The following C3orf22 variants were observed in gnomAD, a reference collection of about 807,000 sequenced individuals.
The protein encoded by C3orf22 is chromosome 3 open reading frame 22, also known as uncharacterized protein C3orf22.
In C3orf22, 7 loss-of-function variants were observed where a neutral mutation model predicts 10.8. The ratio of observed to expected loss-of-function variants is 0.65; its 90% CI spans 0.37 to 1.22. The LOEUF (loss-of-function observed/expected upper bound fraction) is 1.22. Ranked by LOEUF, C3orf22 falls within the 50% of genes most tolerant of loss-of-function variation. The pLI, the probability that C3orf22 is intolerant of heterozygous loss-of-function variation, is 0.02. For missense variants in C3orf22, 173 were observed against 177.0 expected (o/e 0.98, Z 0.13); for synonymous variants, 79 against 78.9 (o/e 1.00, Z 0.00).
chr3:126,541,895 G>C (rs779741509), intron 4 of C3orf22: 2 of 1,600,916 alleles, frequency 1.2e-6, no homozygotes, highest in Non-Finnish European at 1.7e-6. Context: ...CGTGCCCAAG[G>C]TGGCCTGCAC....
At chr3:126,552,385 C>G (rs1340927939) in intron 2 of C3orf22, among the ~76,000 whole-genome samples, 1 of 152,202 alleles carries the variant, frequency 6.6e-6, no homozygotes, top group African/African-American at 2.4e-5. Flanking sequence ...CCACAGCAGC[C>G]AAACGGTGCA....
At chr3:126,558,393 G>A (rs1937403940) in intron 1 of C3orf22, among the ~76,000 whole-genome samples, 1 of 152,172 alleles carries the variant, frequency 6.6e-6, no homozygotes, top group Admixed American at 6.5e-5. Flanking sequence ...GGAGACAGGA[G>A]CGCCCCTCAG....
intron 4 of C3orf22, among the ~76,000 whole-genome samples, chr3:126,540,186 T>G (rs1936928594): frequency 6.6e-6 from 1 of 152,148 alleles, no homozygotes; most frequent in South Asian, 2.1e-4. Flanking sequence ...CGCTTTGGCC[T>G]CCTCTGAAAT....
At chr3:126,535,206 C>T (rs1387183503) in intron 4 of C3orf22, among the ~76,000 whole-genome samples, 6 of 151,146 alleles carry the variant, frequency 4.0e-5, no homozygotes, top group African/African-American at 9.7e-5. Flanking sequence ...CAGACAGCAT[C>T]GCTGTCCCCA....
At chr3:126,534,728 G>A (rs1488902064) in intron 4 of C3orf22, among the ~76,000 whole-genome samples, 1 of 148,776 alleles carries the variant, frequency 6.7e-6, no homozygotes, top group African/African-American at 2.5e-5. Context: ...CAGACAGACA[G>A]ACAGCATCCC....
intron 4 of C3orf22, among the ~76,000 whole-genome samples, chr3:126,538,403 C>T (rs1936845743): frequency 6.6e-6 from 1 of 152,246 alleles, no homozygotes; most frequent in Admixed American, 6.5e-5. Flanking sequence ...GGGAGTCTTT[C>T]CTGGGAGTCA....
chr3:126,551,249 C>G (rs571393841), intron 3 of C3orf22, among the ~76,000 whole-genome samples: 2 of 145,286 alleles, frequency 1.4e-5, no homozygotes, highest in African/African-American at 5.1e-5. Flanking sequence ...AACACAGACC[C>G]CCCCCTGCCC....
chr3:126,531,193 C>T (rs72982010), intron 4 of C3orf22, among the ~76,000 whole-genome samples: 18,115 of 152,292 alleles, frequency 0.12, 1,676 homozygotes, highest in African/African-American at 0.26. Flanking sequence ...AATGCAGATT[C>T]TTGGGCCCCA....
intron 4 of C3orf22, among the ~76,000 whole-genome samples, chr3:126,543,901 C>T (rs1454843271): frequency 6.6e-6 from 1 of 152,170 alleles, no homozygotes. Context: ...ACTGGTTTCC[C>T]CATGAGGCCT....
chr3:126,550,527 G>A (rs1418805306), intron 3 of C3orf22, among the ~76,000 whole-genome samples: 2 of 152,190 alleles, frequency 1.3e-5, no homozygotes, highest in African/African-American at 2.4e-5. Flanking sequence ...GCTACATGCA[G>A]GACCCAGCAT....
At chr3:126,556,892 AC>A (rs1190899708) in intron 1 of C3orf22, among the ~76,000 whole-genome samples, 1 of 150,080 alleles carries the variant, frequency 6.7e-6, no homozygotes, top group African/African-American at 2.5e-5. Context: ...AGACTCACAC[AC>A]ATGCTCAGAC....
chr3:126,556,864 AC>A (rs1420636909), intron 1 of C3orf22, among the ~76,000 whole-genome samples: 2 of 147,122 alleles, frequency 1.4e-5, no homozygotes, highest in Non-Finnish European at 3.0e-5. Flanking sequence ...ACACAGACTC[AC>A]ATACACACAC....
At chr3:126,541,749 T>C (rs1466301354) in intron 4 of C3orf22, 3 of 1,494,396 alleles carry the variant, frequency 2.0e-6, no homozygotes, top group South Asian at 2.6e-5. Context: ...CGCTCGACCC[T>C]GGCGAAGGTG....
At chr3:126,537,369 T>A (rs988542345) in intron 4 of C3orf22, among the ~76,000 whole-genome samples, 2 of 152,010 alleles carry the variant, frequency 1.3e-5, no homozygotes, top group Non-Finnish European at 2.9e-5. Context: ...TGTGCAAGGG[T>A]AGCGGGGAGC....
At chr3:126,550,393 C>T (rs770644965) in intron 3 of C3orf22, among the ~76,000 whole-genome samples, 1 of 152,120 alleles carries the variant, frequency 6.6e-6, no homozygotes, top group Non-Finnish European at 1.5e-5. Context: ...TCAAGTCCTG[C>T]CCAACCACTA....
At chr3:126,545,728 G>A (rs1384273716), downstream of C3orf22, among the ~76,000 whole-genome samples, 3 of 152,194 alleles carry the variant, frequency 2.0e-5, no homozygotes, top group African/African-American at 7.2e-5. Flanking sequence ...ATCTCAGGAT[G>A]CCACCTTTCC....
chr3:126,542,746 C>A, intron 4 of C3orf22: 1 of 1,085,724 alleles, frequency 9.2e-7, no homozygotes, highest in Non-Finnish European at 1.2e-6. Context: ...TTGGGGGCAG[C>A]CCATCTCAGG....
intron 1 of C3orf22, among the ~76,000 whole-genome samples, chr3:126,554,082 A>G (rs1424871378): frequency 1.3e-5 from 2 of 151,928 alleles, no homozygotes; most frequent in Non-Finnish European, 2.9e-5. Flanking sequence ...GTGGTTGATC[A>G]CGGCTCACTG....
rs1027252960 is a variant in C3orf22, at chr3:126,549,735, G to A, written c.*133C>T. 4 of 1,511,840 alleles carry A rather than the reference G, an allele frequency of 2.6e-6. No homozygotes were observed. Among genetic ancestry groups the A allele is most frequent in the Admixed American group, 4.1e-5 (2 of 49,178 alleles). 93.7% of individuals were successfully genotyped at this position (1,511,840 alleles called of 1,614,324 possible). The stretch of plus-strand genomic sequence containing the variant: ...TTTATTAGCTTGGTGTAGCTTTTTG[G>A]GGGGACCACAAACCACTCCCGGTCT... On this transcript the variant is annotated 3_prime_UTR_variant, in exon 4 of 4. Transcript: ENST00000318225.
Sources: gnomAD v4.1 joint callset for allele counts (sites outside exome capture counted in the v4.1 genomes callset) on GRCh38, gnomAD v4.1.1 for gene constraint, MANE v1.5 for transcripts, NCBI Gene and HGNC (gene_info 2026-07-23, HGNC 2026-07-21) for gene names.